Variants in CCSER1 observed in about 807,000 individuals in gnomAD.
The protein encoded by CCSER1 is serine-rich coiled-coil domain-containing protein 1.
CCSER1 carries 41 observed loss-of-function variants against 82.0 expected under a neutral mutation model. That is an observed-to-expected ratio of 0.50 (90% CI 0.39 to 0.65). The LOEUF (loss-of-function observed/expected upper bound fraction) is 0.65, where lower values mean the gene tolerates loss of function less well. Ranked by LOEUF, CCSER1 falls within the 30% of genes least tolerant of loss-of-function variation. The probability of loss-of-function intolerance (pLI) is 0.00; values close to 1 mark genes in which losing one functional copy is unlikely to be tolerated. For missense variants in CCSER1, 1,119 were observed against 1,064.2 expected (o/e 1.05, Z -0.72); for synonymous variants, 414 against 383.9 (o/e 1.08, Z -0.92).
chr4:91,598,482 GAC>G (rs1764685871), intron 10 of CCSER1, 88 bp from the exon 11 acceptor site: 1 of 1,339,248 alleles, frequency 7.5e-7, no homozygotes, highest in Admixed American at 2.9e-5. Context: ...TACGGGTTCA[GAC>G]ACAAATGTAT....
chr4:91,604,357 A>AAATC lies in CCSER1; in HGVS notation c.*5303_*5306dup, dbSNP rs1296274765. On this transcript the variant is annotated 3_prime_UTR_variant, in exon 11 of 11. Transcript: ENST00000509176. ...AAATTAAGCAATGATCTATTTTAGG[A>AAATC]AATCAAAATACTGTTCATTGAAAAG... 16 of 152,134 alleles carry AAATC rather than the reference A, an allele frequency of 1.1e-4. No individual in the cohort carries two copies. Among genetic ancestry groups the AAATC allele is most frequent in the Admixed American group, 1.0e-3 (16 of 15,260 alleles). The allele number at this position is 152,134 out of a possible 1,614,324, so 9.4% of individuals were successfully genotyped here.
chr4:90,456,170 G>A (rs563976390), intron 4 of CCSER1, among the ~76,000 whole-genome samples: 1 of 152,258 alleles, frequency 6.6e-6, no homozygotes, highest in South Asian at 2.1e-4. Flanking sequence ...GTTCAGGGGT[G>A]GGGAAGGTGC....
intron 10 of CCSER1, among the ~76,000 whole-genome samples, chr4:91,375,604 T>G (rs1294819475): frequency 2.0e-5 from 3 of 152,010 alleles, no homozygotes; most frequent in Non-Finnish European, 4.4e-5. Flanking sequence ...ATGCTTTTCA[T>G]GGGGAAAGTT....
chr4:91,232,999 C>T (rs1738738725), intron 10 of CCSER1, among the ~76,000 whole-genome samples: 1 of 151,774 alleles, frequency 6.6e-6, no homozygotes, highest in African/African-American at 2.4e-5. Context: ...ATGGCAATCT[C>T]TGGGGAGTGG....
chr4:91,324,875 AG>A (rs1350862267), intron 10 of CCSER1, among the ~76,000 whole-genome samples: 1 of 152,156 alleles, frequency 6.6e-6, no homozygotes, highest in African/African-American at 2.4e-5. Context: ...GGAATTTGGG[AG>A]GGGCCAAGGG....
At chr4:90,270,189 T>C (rs1725996623) in intron 1 of CCSER1, among the ~76,000 whole-genome samples, 1 of 152,024 alleles carries the variant, frequency 6.6e-6, no homozygotes, top group Admixed American at 6.6e-5. Context: ...ATTACCTCAA[T>C]ACCAAAACCA....
intron 3 of CCSER1, among the ~76,000 whole-genome samples, chr4:90,347,565 C>G (rs550889577): frequency 6.6e-6 from 1 of 152,098 alleles, no homozygotes; most frequent in Non-Finnish European, 1.5e-5. Flanking sequence ...CTTCCCAGAA[C>G]GTGAATCATC....
intron 5 of CCSER1, among the ~76,000 whole-genome samples, chr4:90,544,633 C>T (rs1457796174): frequency 6.6e-6 from 1 of 152,000 alleles, no homozygotes; most frequent in Non-Finnish European, 1.5e-5. Flanking sequence ...GTCTACAGCC[C>T]CTCCAGTGTG....
At chr4:91,034,544 C>T (rs978508484) in intron 9 of CCSER1, among the ~76,000 whole-genome samples, 3 of 102,314 alleles carry the variant, frequency 2.9e-5, no homozygotes, top group Non-Finnish European at 6.5e-5. Context: ...ATTTCATACA[C>T]CCCCCCCAAT....
At chr4:90,337,248 ATAT>A (rs1740580919) in intron 3 of CCSER1, among the ~76,000 whole-genome samples, 1 of 152,188 alleles carries the variant, frequency 6.6e-6, no homozygotes, top group Non-Finnish European at 1.5e-5. Context: ...ATGAGTCTTC[ATAT>A]TTGCTCTACA....
intron 1 of CCSER1, among the ~76,000 whole-genome samples, chr4:90,265,763 T>C (rs568328915): frequency 1.3e-5 from 2 of 152,218 alleles, no homozygotes; most frequent in South Asian, 4.1e-4. Flanking sequence ...ATAGTACTTC[T>C]GTAAGAGAAA....
At chr4:90,489,715 C>T (rs1356692351) in intron 5 of CCSER1, among the ~76,000 whole-genome samples, 1 of 152,126 alleles carries the variant, frequency 6.6e-6, no homozygotes, top group East Asian at 1.9e-4. Flanking sequence ...TGTTCCCCTT[C>T]CTGTGTCCAG....
At chr4:90,374,314 T>C (rs2153527463) in intron 3 of CCSER1, among the ~76,000 whole-genome samples, 1 of 152,122 alleles carries the variant, frequency 6.6e-6, no homozygotes, top group South Asian at 2.1e-4. Flanking sequence ...TAAGGAGAAA[T>C]TGGAAAGTTA....
At chr4:90,718,032 A>G (rs1269484635) in intron 6 of CCSER1, among the ~76,000 whole-genome samples, 2 of 152,016 alleles carry the variant, frequency 1.3e-5, no homozygotes, top group Non-Finnish European at 1.5e-5. Context: ...AAAGAAATAT[A>G]TTTTTAAGAA....
intron 6 of CCSER1, among the ~76,000 whole-genome samples, chr4:90,657,839 C>T (rs1729987241): frequency 6.6e-6 from 1 of 152,192 alleles, no homozygotes; most frequent in Non-Finnish European, 1.5e-5. Flanking sequence ...CACAGTGGCT[C>T]ACACCTGTAA....
intron 10 of CCSER1, among the ~76,000 whole-genome samples, chr4:91,465,530 C>T (rs868181707): frequency 1.3e-5 from 2 of 151,944 alleles, no homozygotes; most frequent in Non-Finnish European, 2.9e-5. Flanking sequence ...GATAGAGACA[C>T]AAAAAACCCT....
intron 10 of CCSER1, among the ~76,000 whole-genome samples, chr4:91,203,609 A>G (rs1736109286): frequency 1.3e-5 from 2 of 151,832 alleles, no homozygotes; most frequent in South Asian, 4.2e-4. Flanking sequence ...GTATACACAC[A>G]GGAATGCTCT....
chr4:91,541,436 T>C (rs1284178383), intron 10 of CCSER1, among the ~76,000 whole-genome samples: 1 of 152,160 alleles, frequency 6.6e-6, no homozygotes, highest in Non-Finnish European at 1.5e-5. Flanking sequence ...TGTCCAAGTG[T>C]TCTCATGTTC....
chr4:90,913,113 A>G (rs995535376), intron 8 of CCSER1, among the ~76,000 whole-genome samples: 1 of 152,192 alleles, frequency 6.6e-6, no homozygotes, highest in African/African-American at 2.4e-5. Flanking sequence ...GCAGGCCAAC[A>G]ATCAAATTCA....
Sources: gnomAD v4.1 joint callset for allele counts (sites outside exome capture counted in the v4.1 genomes callset) on GRCh38, gnomAD v4.1.1 for gene constraint, MANE v1.5 for transcripts, NCBI Gene and HGNC (gene_info 2026-07-23, HGNC 2026-07-21) for gene names.